ELOVL5: variants seen among roughly 807,000 people sequenced by gnomAD.
ELOVL5 encodes very long chain fatty acid elongase 5.
Under a neutral mutation model 38.6 loss-of-function variants are expected in ELOVL5, and 8 were observed. The observed-to-expected ratio is 0.21, with a 90% CI of 0.12 to 0.37. ELOVL5 has a LOEUF of 0.37. Among genes scored for constraint, ELOVL5 ranks in the 10% least tolerant of loss-of-function variants. ELOVL5 has a pLI of 1.00. For missense variants in ELOVL5, 280 were observed against 367.8 expected, an observed-to-expected ratio of 0.76 and a Z score of 1.95; for synonymous variants, 127 against 133.7, an observed-to-expected ratio of 0.95 and a Z score of 0.34.
intron 1 of ELOVL5, among the ~76,000 whole-genome samples, chr6:53,307,147 A>G (rs1469036663): frequency 1.3e-5 from 2 of 152,244 alleles, no homozygotes; most frequent in Non-Finnish European, 2.9e-5. Context: ...TGTGTCAAGC[A>G]GTATTGCTTG....
chr6:53,296,139 C>T (rs570294503), intron 1 of ELOVL5, among the ~76,000 whole-genome samples: 130 of 151,990 alleles, frequency 8.6e-4, no homozygotes, highest in African/African-American at 3.1e-3. Flanking sequence ...CAGTTTTTTC[C>T]GCTTGTTACT....
chr6:53,332,653 G>A (rs915654089), intron 1 of ELOVL5, among the ~76,000 whole-genome samples: 1 of 152,190 alleles, frequency 6.6e-6, no homozygotes. Flanking sequence ...GCGTAGAGGA[G>A]TGATCACTCA....
At chr6:53,346,236 C>T (rs9382200) in intron 1 of ELOVL5, among the ~76,000 whole-genome samples, 1 of 151,968 alleles carries the variant, frequency 6.6e-6, no homozygotes, top group Non-Finnish European at 1.5e-5. Context: ...GCAAAAGACA[C>T]GAACTCATCT....
At chr6:53,303,882 T>C (rs1581953633) in intron 1 of ELOVL5, among the ~76,000 whole-genome samples, 1 of 152,330 alleles carries the variant, frequency 6.6e-6, no homozygotes, top group East Asian at 1.9e-4. Flanking sequence ...GTGGCTGTTA[T>C]CTGTGGTCCT....
chr6:53,280,054 C>A lies in ELOVL5; in HGVS notation c.247-3798G>T, dbSNP rs552495871. On this transcript the variant is annotated intron_variant, in intron 3 of 7. Coordinates refer to ENST00000304434, the MANE Select transcript of ELOVL5 (RefSeq NM_021814.5). ...ACATCAGCCACCTTTCCCTTTGGGA[C>A]TGAGGCCTAGCTTCTTTCCAAAGAG... Among the ~76,000 whole-genome samples, 7 of 152,356 alleles carry A rather than the reference C, an allele frequency of 4.6e-5. No individual in the cohort carries two copies. In the East Asian group the frequency reaches 9.6e-4, roughly 21 times the overall value.
chr6:53,317,684 G>T (rs1052580242), intron 1 of ELOVL5, among the ~76,000 whole-genome samples: 13 of 151,936 alleles, frequency 8.6e-5, no homozygotes, highest in African/African-American at 3.1e-4. Flanking sequence ...TAGGAGATAT[G>T]CCTGATGCTA....
chr6:53,300,537 G>C (rs957672388), intron 1 of ELOVL5, among the ~76,000 whole-genome samples: 3 of 152,202 alleles, frequency 2.0e-5, no homozygotes, highest in Non-Finnish European at 4.4e-5. Context: ...ACATAGAGAA[G>C]GCAGCCTGAG....
Position 53,273,353 on chromosome 6 carries a change from A to C in ELOVL5, c.497-9T>G, listed in dbSNP as rs1460183667. 1.9e-6 allele frequency: 3 copies of C among 1,613,208 alleles called. No homozygotes were observed. In the African/African-American group the frequency reaches 4.0e-5, roughly 22 times the overall value. ...TGTGGCACCAAAATAAGCTGCAGGA[A>C]CAGAGGGATTTGGGAAGGAGAATGT... On this transcript the variant is annotated splice_polypyrimidine_tract_variant and intron_variant, in intron 5 of 7. Transcript: ENST00000304434.
chr6:53,291,961 T>C lies in ELOVL5; in HGVS notation c.61A>G (p.Thr21Ala), dbSNP rs1766790079. 6.7e-7 allele frequency: 1 copy of C among 1,497,746 alleles called. No individual in the cohort carries two copies. The highest frequency in any genetic ancestry group is 9.0e-7 in the Non-Finnish European group (1 of 1,116,392). The allele number at this position is 1,497,746 out of a possible 1,614,324, so 92.8% of individuals were successfully genotyped here. Residue 21 changes from threonine to alanine, a missense_variant and splice_region_variant, in exon 3 of 8, where the codon ACT becomes GCT. Around this residue, in one of 3 missense-constraint regions of ELOVL5, gnomAD observed 150 missense variants for 178.0 expected, o/e 0.84. Coordinates refer to ENST00000304434, the MANE Select transcript of ELOVL5 (RefSeq NM_021814.5). ...AGAAGAAACCATCCTTTTACTCTAG[T>C]ATCTGAAAAATTAAAAAAAATTAAT... ...YFKALLGPRD[T>A]RVKGWFLLDN... is the part of the protein sequence containing the mutation.
At chr6:53,278,271 G>A (rs899026125) in intron 3 of ELOVL5, among the ~76,000 whole-genome samples, 11 of 152,138 alleles carry the variant, frequency 7.2e-5, no homozygotes, top group African/African-American at 2.4e-4. Context: ...TGCACTTGTG[G>A]AGGTGTGGAT....
chr6:53,346,267 T>C (rs184369712), intron 1 of ELOVL5, among the ~76,000 whole-genome samples: 38 of 152,308 alleles, frequency 2.5e-4, no homozygotes, highest in African/African-American at 9.1e-4. Flanking sequence ...TGCATAGTAT[T>C]CCATGGTGTA....
At position 53,316,550 on chromosome 6, in the gene ELOVL5, G is replaced by C. The variant is rs747308569; in HGVS notation, c.-8-20843C>G. ...GGTTGGTAAAGAAGGGGTGACAGTT[G>C]GGGCGAGAGGCTGAAAAGAGGGTGA... On this transcript the variant is annotated intron_variant, in intron 1 of 7. Transcript: ENST00000304434. 2.0e-5 allele frequency among the ~76,000 whole-genome samples: 3 copies of C among 152,098 alleles called. No homozygotes were observed. The South Asian group carries it at 6.2e-4, about 31-fold the overall frequency.
At chr6:53,277,366 T>C (rs1258176047) in intron 3 of ELOVL5, among the ~76,000 whole-genome samples, 1 of 152,118 alleles carries the variant, frequency 6.6e-6, no homozygotes. Flanking sequence ...AACAGGCTTT[T>C]CATGGCCAAA....
chr6:53,320,191 C>T (rs779429360), intron 1 of ELOVL5, among the ~76,000 whole-genome samples: 3 of 151,970 alleles, frequency 2.0e-5, no homozygotes, highest in Non-Finnish European at 4.4e-5. Context: ...GTGGTGCACA[C>T]CTGTAATTCC....
chr6:53,329,953 A>G (rs1768714946), intron 1 of ELOVL5, among the ~76,000 whole-genome samples: 1 of 152,252 alleles, frequency 6.6e-6, no homozygotes, highest in Non-Finnish European at 1.5e-5. Flanking sequence ...AAGACATTAT[A>G]TATTTAGCTT....
intron 1 of ELOVL5, among the ~76,000 whole-genome samples, chr6:53,324,276 G>GAAAAA (rs1561887661): frequency 1.6e-5 from 2 of 128,276 alleles, no homozygotes; most frequent in African/African-American, 5.8e-5. Context: ...AAAAAAAAAA[G>GAAAAA]AAAAAAAAGA....
chr6:53,307,232 T>C (rs747108944), intron 1 of ELOVL5, among the ~76,000 whole-genome samples: 1 of 152,188 alleles, frequency 6.6e-6, no homozygotes, highest in Non-Finnish European at 1.5e-5. Context: ...TGCAAAGACA[T>C]CTGTGGCTCA....
intron 1 of ELOVL5, among the ~76,000 whole-genome samples, chr6:53,339,782 T>C (rs1047237540): frequency 6.6e-6 from 1 of 152,244 alleles, no homozygotes; most frequent in South Asian, 2.1e-4. Context: ...TGGTATACTA[T>C]ACTTTTTTAT....
rs41273880 is a variant in ELOVL5 at position 53,270,651 on chromosome 6, T to C, written c.698A>G (p.Tyr233Cys). ...GGAAATCATGTATCCAATCTGGAAA[T>C]ACAACCAACCAAGAGGGAATGTGCA... ...WPCTFPLGWL[Y>C]FQIGYMISLI... The change falls in exon 7 of 8, where the codon TAT (tyrosine) becomes TGT (cysteine). Residue 233 changes from tyrosine to cysteine, a missense_variant. Around this residue, in one of 3 missense-constraint regions of ELOVL5, gnomAD observed 125 missense variants for 158.9 expected, o/e 0.79. Coordinates refer to ENST00000304434, the MANE Select transcript of ELOVL5 (RefSeq NM_021814.5). The C allele has an allele frequency of 1.0e-3, 1,668 of 1,614,126 alleles. 1 individual carries two copies. The highest frequency in any genetic ancestry group is 1.3e-3 in the Non-Finnish European group (1,518 of 1,180,016).
Sources: gnomAD v4.1 joint callset for allele counts (sites outside exome capture counted in the v4.1 genomes callset) on GRCh38, gnomAD v4.1.1 for gene constraint, gnomAD v4.1.1 regional missense constraint, MANE v1.5 for transcripts, NCBI Gene and HGNC (gene_info 2026-07-23, HGNC 2026-07-21) for gene names.